The following PHIP variants were observed in gnomAD, a reference collection of about 807,000 sequenced individuals.
The protein encoded by PHIP is PHIP subunit of CUL4-Ring ligase complex, also known as PH-interacting protein.
In PHIP, 54 loss-of-function variants were observed where a neutral mutation model predicts 236.8. The ratio of observed to expected loss-of-function variants is 0.23; its 90% CI spans 0.18 to 0.29. PHIP has a LOEUF of 0.29. Among genes scored for constraint, PHIP ranks in the 10% least tolerant of loss-of-function variants. The probability of loss-of-function intolerance (pLI) is 1.00; values close to 1 mark genes in which losing one functional copy is unlikely to be tolerated. For missense variants in PHIP, 1,370 were observed against 2,190.8 expected, an observed-to-expected ratio of 0.63 and a Z score of 7.48; for synonymous variants, 756 against 718.9, an observed-to-expected ratio of 1.05 and a Z score of -0.83.
intron 6 of PHIP, among the ~76,000 whole-genome samples, chr6:79,055,292 A>G (rs1249832381): frequency 4.6e-5 from 7 of 152,174 alleles, no homozygotes; most frequent in Admixed American, 2.0e-4. Flanking sequence ...CACAAGATAA[A>G]CATGCATTAA....
chr6:78,982,838 A>T, intron 23 of PHIP, 48 bp downstream of exon 23: 3 of 1,131,250 alleles, frequency 2.7e-6, no homozygotes, highest in Non-Finnish European at 3.8e-6. Context: ...TGTGTGCTTT[A>T]AACTGTTTCT....
intron 15 of PHIP, among the ~76,000 whole-genome samples, chr6:79,014,221 C>T (rs1335046026): frequency 6.6e-6 from 1 of 151,652 alleles, no homozygotes; most frequent in Admixed American, 6.6e-5. Context: ...GCATCACATT[C>T]GTGTAATTTT....
intron 4 of PHIP, among the ~76,000 whole-genome samples, chr6:79,072,646 G>A (rs574365478): frequency 6.6e-6 from 1 of 151,844 alleles, no homozygotes; most frequent in Admixed American, 6.6e-5. Context: ...ACTACACCTG[G>A]CTAATTTTTT....
At chr6:79,010,403 T>TA (rs942484594) in intron 15 of PHIP, among the ~76,000 whole-genome samples, 8 of 151,238 alleles carry the variant, frequency 5.3e-5, no homozygotes, top group South Asian at 2.1e-4. Context: ...TTTTTTTTTT[T>TA]AAAAAAATCT....
At chr6:78,986,663 T>C (rs1311597748) in intron 21 of PHIP, among the ~76,000 whole-genome samples, 5 of 152,166 alleles carry the variant, frequency 3.3e-5, no homozygotes, top group Non-Finnish European at 5.9e-5. Context: ...CAGATAACTT[T>C]TAAAGAGGAC....
rs1290714887 is a variant in PHIP at position 78,978,748 on chromosome 6, C to A, written c.2770-37G>T. On this transcript the variant is annotated intron_variant, in intron 23 of 39. Coordinates refer to ENST00000275034, the MANE Select transcript of PHIP (RefSeq NM_017934.7). ...TAAGTAATAATTGTTAAGTAATAAT[C>A]AAAAAAGCATTAATCCACAAATCTA... 3.3e-6 allele frequency: 5 copies of A among 1,518,606 alleles called. No individual in the cohort carries two copies. In the South Asian group the frequency reaches 3.6e-5, roughly 11 times the overall value. The allele number at this position is 1,518,606 out of a possible 1,614,324, so 94.1% of individuals were successfully genotyped here. A position where few individuals can be genotyped will look rare whatever the true frequency, so the allele number is the denominator to read the frequency against.
intron 38 of PHIP, 42 bp downstream of exon 38, chr6:78,945,956 TAAG>T: frequency 7.0e-7 from 1 of 1,423,862 alleles, no homozygotes; most frequent in Non-Finnish European, 9.8e-7. Context: ...AAGCTTAAAT[TAAG>T]AAAATCATCA....
At chr6:78,978,943 T>C (rs554669664) in intron 23 of PHIP, among the ~76,000 whole-genome samples, 1 of 152,246 alleles carries the variant, frequency 6.6e-6, no homozygotes, top group East Asian at 1.9e-4. Context: ...AGGCAAAACT[T>C]GAATTTGCTA....
rs1242777720 is a variant in PHIP, at chr6:79,077,677, C to T, written c.129+23G>A. ...GAGGCGGCCGCGCGGCGGCGGGACG[C>T]GCCGGGCCGCCGCCGCCCTTACCTC... is the stretch of plus-strand genomic sequence containing the variant. On this transcript the variant is annotated intron_variant, in intron 3 of 39. Coordinates refer to ENST00000275034, the MANE Select transcript of PHIP (RefSeq NM_017934.7). 1.4e-5 allele frequency: 14 copies of T among 981,066 alleles called. No homozygotes were observed. The East Asian group carries it at 1.4e-3, about 95-fold the overall frequency. 60.8% of individuals were successfully genotyped at this position (981,066 alleles called of 1,614,324 possible).
chr6:78,984,088 T>C (rs1385624580), intron 22 of PHIP, among the ~76,000 whole-genome samples: 1 of 152,174 alleles, frequency 6.6e-6, no homozygotes, highest in African/African-American at 2.4e-5. Context: ...ACATTAACAC[T>C]GAAAAAGCAG....
Position 78,963,250 on chromosome 6 carries a change from C to A in PHIP, c.3382G>T (p.Val1128Leu). 6.3e-7 allele frequency: 1 copy of A among 1,597,718 alleles called. No individual in the cohort carries two copies. The highest frequency in any genetic ancestry group is 8.5e-7 in the Non-Finnish European group (1 of 1,173,800). Reference sequence around the variant, plus strand: ...CTGGTACCTAGTTCTTCAGGAAATACAGCTGAAATAGAAAAGCAGATCATT... The same window carrying A: ...CTGGTACCTAGTTCTTCAGGAAATAAAGCTGAAATAGAAAAGCAGATCATT... ...WDMELIPNNAVFPEELGTSVP... is the reference protein window; with the variant it reads ...WDMELIPNNALFPEELGTSVP... Residue 1128 changes from valine to leucine, a missense_variant and splice_region_variant, in exon 30 of 40, where the codon GTA becomes TTA. Val to Leu is a conservative substitution (Grantham distance 32). This residue lies in a region of PHIP where 238 missense variants were observed against 398.5 expected (regional missense o/e 0.60). Coordinates refer to ENST00000275034, the MANE Select transcript of PHIP (RefSeq NM_017934.7).
At chr6:79,038,428 C>T (rs759719461) in intron 7 of PHIP, among the ~76,000 whole-genome samples, 1 of 152,206 alleles carries the variant, frequency 6.6e-6, no homozygotes, top group Non-Finnish European at 1.5e-5. Flanking sequence ...AATGCTACCA[C>T]ATTGGGGATT....
Position 78,998,317 on chromosome 6 carries a change from G to C in PHIP, c.1954C>G (p.Gln652Glu). 6.2e-7 allele frequency: 1 copy of C among 1,612,950 alleles called. No homozygotes were observed. The highest frequency in any genetic ancestry group is 8.5e-7 in the Non-Finnish European group (1 of 1,179,008). The change falls in exon 18 of 40, where the codon CAG (glutamine) becomes GAG (glutamate). Residue 652 changes from glutamine (Q) to glutamate (E), a missense_variant. Gln to Glu is a conservative substitution (Grantham distance 29, BLOSUM62 2). This residue lies in a region of PHIP where 133 missense variants were observed against 245.2 expected (regional missense o/e 0.54). Coordinates refer to ENST00000275034, the MANE Select transcript of PHIP (RefSeq NM_017934.7). ...CCAGAACGTCTCAGGTCTTGCTCCTGTTGTAGTCTTTGAATCATGCTGTCC... is the reference window on the plus strand; with the variant it reads ...CCAGAACGTCTCAGGTCTTGCTCCTCTTGTAGTCTTTGAATCATGCTGTCC... ...PLDSMIQRLQ[Q>E]EQDLRRSGEA...
Position 78,958,458 on chromosome 6 carries a change from A to T in PHIP, c.3782+17T>A, listed in dbSNP as rs1391536079. The T allele has an allele frequency of 2.9e-6, 4 of 1,367,228 alleles. No individual in the cohort carries two copies. Among genetic ancestry groups the T allele is most frequent in the African/African-American group, 2.9e-5 (2 of 69,360 alleles). The allele number at this position is 1,367,228 out of a possible 1,614,324, so 84.7% of individuals were successfully genotyped here. ...ATTATTAAAACTATCATAATTACAT[A>T]TGAAAAGATAACTTACTTTATAAAA... On this transcript the variant is annotated intron_variant, in intron 32 of 39. Coordinates refer to ENST00000275034, the MANE Select transcript of PHIP (RefSeq NM_017934.7).
In PHIP at chr6:78,935,591, T is replaced by C. The variant is rs1300333195; in HGVS notation, c.*5102A>G. The C allele has an allele frequency of 2.7e-5, 26 of 975,976 alleles. No individual in the cohort carries two copies. Among genetic ancestry groups the C allele is most frequent in the Non-Finnish European group, 3.2e-5 (26 of 821,258 alleles). 60.5% of individuals were successfully genotyped at this position (975,976 alleles called of 1,614,324 possible). A position where few individuals can be genotyped will look rare whatever the true frequency, so the allele number is the denominator to read the frequency against. On this transcript the variant is annotated 3_prime_UTR_variant, in exon 40 of 40. Transcript: ENST00000275034. ...TACGGTAAGAAATCAATAAAATTGTTTTATTAAATGTACACATAAAAAGGC... is the reference window on the plus strand; with the variant it reads ...TACGGTAAGAAATCAATAAAATTGTCTTATTAAATGTACACATAAAAAGGC...
Position 79,019,247 on chromosome 6 carries a change from G to A in PHIP, c.924-88C>T, listed in dbSNP as rs977974436. The stretch of plus-strand genomic sequence containing the variant: ...CTGTTTCAAAAAATAATCCCAGAAG[G>A]ACAAAATTAAGAAGCAACAGATGGC... On this transcript the variant is annotated intron_variant, in intron 9 of 39. Transcript: ENST00000275034. 4 of 958,044 alleles carry A rather than the reference G, an allele frequency of 4.2e-6. No individual in the cohort carries two copies. In the African/African-American group the frequency reaches 4.9e-5, roughly 12 times the overall value. The allele number at this position is 958,044 out of a possible 1,614,324, so 59.3% of individuals were successfully genotyped here.
At chr6:78,964,999 C>CCA (rs1165216770) in intron 29 of PHIP, among the ~76,000 whole-genome samples, 2 of 152,080 alleles carry the variant, frequency 1.3e-5, no homozygotes, top group African/African-American at 4.8e-5. Flanking sequence ...AATATAATCT[C>CCA]CAGGCTTTGG....
intron 23 of PHIP, 54 bp downstream of exon 23, chr6:78,982,832 T>A: frequency 8.8e-6 from 9 of 1,022,496 alleles, no homozygotes; most frequent in Non-Finnish European, 1.3e-5. Context: ...TCAAGATGTG[T>A]GCTTTAAACT....
rs181083281 is a variant in PHIP at position 79,049,574 on chromosome 6, C to T, written c.440-6571G>A. Among the ~76,000 whole-genome samples, 263 of 152,256 alleles carry T rather than the reference C, an allele frequency of 1.7e-3. 3 individuals are homozygous for T. Among genetic ancestry groups the T allele is most frequent in the African/African-American group, 5.5e-3 (228 of 41,538 alleles). On this transcript the variant is annotated intron_variant, in intron 6 of 39. Transcript: ENST00000275034. ...CCATCTGTATTAATAAAGGCTTTGG[C>T]TTTCTACAAATACGATTAATAACTA...
Sources: allele counts gnomAD v4.1 joint callset (sites outside exome capture counted in the v4.1 genomes callset), GRCh38; gene constraint gnomAD v4.1.1; regional missense constraint gnomAD v4.1.1; transcripts MANE v1.5; gene names NCBI Gene and HGNC (gene_info 2026-07-23, HGNC 2026-07-21).